Variants in SLC25A13 observed in about 807,000 individuals in gnomAD.
SLC25A13 encodes solute carrier family 25 member 13, also known as electrogenic aspartate/glutamate antiporter SLC25A13, mitochondrial.
Under a neutral mutation model 85.5 loss-of-function variants are expected in SLC25A13, and 70 were observed. That is an observed-to-expected ratio of 0.82 (90% CI 0.68 to 1.00). The LOEUF is 1.00. SLC25A13 is among the 50% of genes least tolerant of loss of function. The pLI is 0.00. For synonymous variants in SLC25A13, 259 were observed against 288.7 expected (o/e 0.90, Z 1.04); for missense variants, 765 against 819.8 (o/e 0.93, Z 0.82).
Position 96,131,846 on chromosome 7 carries a change from G to A in SLC25A13, c.1488C>T (p.Phe496=). 6.2e-7 allele frequency: 1 copy of A among 1,614,028 alleles called. No homozygotes were observed. The highest frequency in any genetic ancestry group is 8.5e-7 in the Non-Finnish European group (1 of 1,179,982). Residue 496 remains phenylalanine, a synonymous_variant, in exon 15 of 18, where the codon TTC becomes TTT. Transcript: ENST00000265631. The stretch of plus-strand genomic sequence containing the variant: ...CATAGCACGGAAAGTAGATGGCCGA[G>A]AAAGGAATGTCCCGCAGAAAGCATG... ...AKACFLRDIP[F]SAIYFPCYAH...
In SLC25A13 at chr7:96,189,633, G is replaced by A; in HGVS notation, c.796C>T (p.Pro266Ser). ...LAAQKFGQVT[P>S]MEVDILFQLA... is the part of the protein sequence containing the mutation. Reference sequence around the variant, plus strand: ...TGAAACAAGATGTCAACTTCCATGGGTGTAACCTGACCAAATTTCTGAGCT... The same window carrying A: ...TGAAACAAGATGTCAACTTCCATGGATGTAACCTGACCAAATTTCTGAGCT... Residue 266 changes from proline (P) to serine (S), a missense_variant, in exon 8 of 18, where the codon CCC (proline) becomes TCC (serine). Pro to Ser is a moderately conservative substitution (Grantham distance 74). Coordinates refer to ENST00000265631, the MANE Select transcript of SLC25A13 (RefSeq NM_014251.3). 9.9e-6 allele frequency: 16 copies of A among 1,613,244 alleles called. No homozygotes were observed. Among genetic ancestry groups the A allele is most frequent in the Non-Finnish European group, 1.3e-5 (15 of 1,179,936 alleles).
chr7:96,225,334 T>C (rs890638097), intron 4 of SLC25A13, among the ~76,000 whole-genome samples: 1 of 152,012 alleles, frequency 6.6e-6, no homozygotes, highest in African/African-American at 2.4e-5. Context: ...TGCTTGAGCC[T>C]AGGAGTTTGA....
intron 5 of SLC25A13, among the ~76,000 whole-genome samples, chr7:96,195,862 C>T (rs776729154): frequency 1.4e-4 from 21 of 152,266 alleles, no homozygotes; most frequent in South Asian, 4.1e-4. Context: ...ATGTCCCTTC[C>T]GGTGGCCCCC....
intron 9 of SLC25A13, among the ~76,000 whole-genome samples, chr7:96,188,145 T>C (rs1303989813): frequency 6.6e-6 from 1 of 152,202 alleles, no homozygotes; most frequent in African/African-American, 2.4e-5. Context: ...GACGAAGAGA[T>C]AATCATCTCC....
intron 14 of SLC25A13, among the ~76,000 whole-genome samples, chr7:96,145,346 G>A (rs1175882427): frequency 3.9e-5 from 6 of 152,138 alleles, no homozygotes; most frequent in African/African-American, 9.7e-5. Context: ...AGATTCTCCT[G>A]AGACAGCCAC....
chr7:96,276,884 C>G (rs919081107), intron 3 of SLC25A13, among the ~76,000 whole-genome samples: 2 of 152,134 alleles, frequency 1.3e-5, no homozygotes, highest in South Asian at 4.1e-4. Context: ...TTACAGCTGC[C>G]TTGAAAAATA....
intron 2 of SLC25A13, chr7:96,283,379 G>A (rs1316115345): frequency 5.6e-6 from 2 of 359,052 alleles, no homozygotes; most frequent in East Asian, 1.5e-4. Flanking sequence ...AAGGGAAAGA[G>A]GAGAGGCACT....
At chr7:96,190,933 G>A (rs1166091413) in intron 7 of SLC25A13, among the ~76,000 whole-genome samples, 176 bp downstream of exon 7, 1 of 152,178 alleles carries the variant, frequency 6.6e-6, no homozygotes, top group East Asian at 1.9e-4. Flanking sequence ...AAAACTTGGT[G>A]AAGATTGTTT....
chr7:96,281,299 G>C (rs1798666951), intron 2 of SLC25A13, among the ~76,000 whole-genome samples: 1 of 151,162 alleles, frequency 6.6e-6, no homozygotes, highest in Admixed American at 6.6e-5. Flanking sequence ...GCTGAGGCAG[G>C]AGAATCGCTT....
intron 3 of SLC25A13, among the ~76,000 whole-genome samples, chr7:96,267,624 A>G (rs4307273): frequency 0.84 from 127,251 of 151,884 alleles, 53,551 homozygotes; most frequent in Admixed American, 0.88. Flanking sequence ...GACAAGCCTG[A>G]CCAACATGGG....
At chr7:96,281,933 A>C (rs948011145) in intron 2 of SLC25A13, among the ~76,000 whole-genome samples, 1 of 152,112 alleles carries the variant, frequency 6.6e-6, no homozygotes, top group Admixed American at 6.5e-5. Flanking sequence ...GACCATAATA[A>C]AAATATGTAT....
At chr7:96,201,502 ACT>A (rs1343350461) in intron 5 of SLC25A13, among the ~76,000 whole-genome samples, 1 of 91,550 alleles carries the variant, frequency 1.1e-5, no homozygotes, top group Non-Finnish European at 2.2e-5. Context: ...ACAGAGTGAG[ACT>A]CTGTCTCAAA....
rs574261988 is a variant in SLC25A13, at chr7:96,301,450, C to A, written c.16-4499G>T. ...CAACATTAAAACAAAAATTTTATAT[C>A]AAGAATTTTAAATCAAGTAACTGGT... On this transcript the variant is annotated intron_variant, in intron 1 of 17. Transcript: ENST00000265631. Among the ~76,000 whole-genome samples, 28 of 152,048 alleles carry A rather than the reference C, an allele frequency of 1.8e-4. 1 individual carries two copies. The highest frequency in any genetic ancestry group is 4.4e-5 in the Non-Finnish European group (3 of 68,018).
In SLC25A13 at chr7:96,297,813, T is replaced by A. The variant is rs191029174; in HGVS notation, c.16-862A>T. Among the ~76,000 whole-genome samples, 354 of 152,336 alleles carry A rather than the reference T, an allele frequency of 2.3e-3. 3 individuals are homozygous for A. The highest frequency in any genetic ancestry group is 0.02 in the South Asian group (98 of 4,830). Reference sequence around the variant, plus strand: ...AAATCATAGGTCTCCAAAGGTATGATATTATTCTACATATTTTAGAAATAC... The same window carrying A: ...AAATCATAGGTCTCCAAAGGTATGAAATTATTCTACATATTTTAGAAATAC... On this transcript the variant is annotated intron_variant, in intron 1 of 17. Coordinates refer to ENST00000265631, the MANE Select transcript of SLC25A13 (RefSeq NM_014251.3).
intron 2 of SLC25A13, among the ~76,000 whole-genome samples, chr7:96,283,176 T>C (rs552494737): frequency 5.3e-5 from 8 of 152,322 alleles, no homozygotes; most frequent in African/African-American, 1.7e-4. Flanking sequence ...AATACTATCA[T>C]TACAGTGCTG....
At chr7:96,137,156 T>C (rs960225887) in intron 14 of SLC25A13, among the ~76,000 whole-genome samples, 6 of 152,144 alleles carry the variant, frequency 3.9e-5, no homozygotes, top group Admixed American at 3.3e-4. Context: ...AGACCCCACC[T>C]ACATGGCTGA....
chr7:96,155,794 A>G (rs1793239569), intron 13 of SLC25A13, among the ~76,000 whole-genome samples: 1 of 152,200 alleles, frequency 6.6e-6, no homozygotes. Context: ...GCACTGTGCT[A>G]AACTCTTCAC....
intron 11 of SLC25A13, 111 bp from the exon 12 acceptor site, chr7:96,171,635 A>T: frequency 2.4e-6 from 2 of 848,714 alleles, no homozygotes; most frequent in South Asian, 2.9e-5. Flanking sequence ...CTCTGCTGCA[A>T]TTTTCTGCTA....
chr7:96,204,356 C>A (rs1429042168), intron 5 of SLC25A13, among the ~76,000 whole-genome samples: 1 of 152,076 alleles, frequency 6.6e-6, no homozygotes, highest in African/African-American at 2.4e-5. Context: ...CCCCCAAGTG[C>A]CTACGACAGT....
Sources: allele counts gnomAD v4.1 joint callset (sites outside exome capture counted in the v4.1 genomes callset), GRCh38; gene constraint gnomAD v4.1.1; transcripts MANE v1.5; gene names NCBI Gene and HGNC (gene_info 2026-07-23, HGNC 2026-07-21).